The following PRKCG variants were observed in gnomAD, a reference collection of about 807,000 sequenced individuals.
PRKCG encodes the protein protein kinase C gamma.
A neutral mutation model predicts 82.0 loss-of-function variants in PRKCG; 28 were observed. The observed-to-expected ratio is 0.34, with a 90% CI of 0.25 to 0.47. PRKCG has a LOEUF of 0.47. Among genes scored for constraint, PRKCG ranks in the 20% least tolerant of loss-of-function variants. The pLI, the probability that PRKCG is intolerant of heterozygous loss-of-function variation, is 1.00. For missense variants in PRKCG, 640 were observed against 952.7 expected (o/e 0.67, Z 4.32); for synonymous variants, 383 against 376.6 (o/e 1.02, Z -0.20).
At chr19:53,898,258 G>A in intron 10 of PRKCG, 147 bp downstream of exon 10, 1 of 1,404,624 alleles carries the variant, frequency 7.1e-7, no homozygotes, top group Non-Finnish European at 9.9e-7. Context: ...TTCCTGGAGA[G>A]GAGAGGTTTA....
chr19:53,888,612 A>C (rs1356539980), intron 3 of PRKCG, among the ~76,000 whole-genome samples: 2 of 152,222 alleles, frequency 1.3e-5, no homozygotes, highest in Admixed American at 6.5e-5. Flanking sequence ...ATCCCTAACA[A>C]TAACCACAGT....
At position 53,900,279 on chromosome 19, in the gene PRKCG, T is replaced by C; in HGVS notation, c.1328T>C (p.Met443Thr). ...VMEYVTGGDL[M>T]YHIQQLGKFK... ...GAGTACGTCACCGGGGGAGACTTGA[T>C]GTACCACATTCAACAGCTGGGCAAG... Residue 443 changes from methionine (M) to threonine (T), a missense_variant, in exon 12 of 18, where the codon ATG (methionine) becomes ACG (threonine). Around this residue, in one of 7 missense-constraint regions of PRKCG, gnomAD observed 78 missense variants for 105.6 expected, o/e 0.74. Coordinates refer to ENST00000263431, the MANE Select transcript of PRKCG (RefSeq NM_002739.5). This position sits in a 1 kb window ranked among gnomAD's most constrained non-coding sequence, Gnocchi z 4.2. The C allele has an allele frequency of 6.2e-7, 1 of 1,614,114 alleles. No individual in the cohort carries two copies. Among genetic ancestry groups the C allele is most frequent in the Non-Finnish European group, 8.5e-7 (1 of 1,180,028 alleles).
chr19:53,906,852 A>T lies in PRKCG; in HGVS notation c.2051A>T (p.Asp684Val). Residue 684 changes from aspartate to valine, a missense_variant, in exon 18 of 18, where the codon GAT becomes GTT. This residue lies in a region of PRKCG where 198 missense variants were observed against 273.4 expected (regional missense o/e 0.72). Coordinates refer to ENST00000263431, the MANE Select transcript of PRKCG (RefSeq NM_002739.5). Reference protein sequence around the residue: ...TYVNPDFVHPDARSPTSPVPV... With the variant: ...TYVNPDFVHPVARSPTSPVPV... ...GTGAACCCCGACTTCGTGCACCCGG[A>T]TGCCCGCAGCCCCACCAGCCCAGTG... 6.2e-7 allele frequency: 1 copy of T among 1,613,540 alleles called. No individual in the cohort carries two copies. Among genetic ancestry groups the T allele is most frequent in the Non-Finnish European group, 8.5e-7 (1 of 1,179,958 alleles).
Position 53,889,217 on chromosome 19 carries a change from G to A in PRKCG, c.286-421G>A, listed in dbSNP as rs2068653332. On this transcript the variant is annotated intron_variant, in intron 3 of 17. Coordinates refer to ENST00000263431, the MANE Select transcript of PRKCG (RefSeq NM_002739.5). This position sits in a 1 kb window ranked among gnomAD's most constrained non-coding sequence, Gnocchi z 4.4. Reference sequence around the variant, plus strand: ...AATCCGCCCACCTCGGCCTCCCAAAGTGCTGGGATTACAGGCATGAGCCAC... The same window carrying A: ...AATCCGCCCACCTCGGCCTCCCAAAATGCTGGGATTACAGGCATGAGCCAC... 6.6e-6 allele frequency among the ~76,000 whole-genome samples: 1 copy of A among 152,098 alleles called. No homozygotes were observed. The highest frequency in any genetic ancestry group is 2.1e-4 in the South Asian group (1 of 4,822).
At position 53,900,344 on chromosome 19, in the gene PRKCG, G is replaced by A; in HGVS notation, c.1373+20G>A. The A allele has an allele frequency of 6.2e-7, 1 of 1,614,088 alleles. No individual in the cohort carries two copies. The highest frequency in any genetic ancestry group is 1.3e-5 in the African/African-American group (1 of 75,030). Reference sequence around the variant, plus strand: ...TGCAGCGTGAGTCTCGGCCAACAGAGAATGGTCGGGGTGGTGGAAGGGGGC... The same window carrying A: ...TGCAGCGTGAGTCTCGGCCAACAGAAAATGGTCGGGGTGGTGGAAGGGGGC... On this transcript the variant is annotated intron_variant, in intron 12 of 17. Coordinates refer to ENST00000263431, the MANE Select transcript of PRKCG (RefSeq NM_002739.5). This position sits in a 1 kb window ranked among gnomAD's most constrained non-coding sequence, Gnocchi z 4.2.
chr19:53,893,663 G>A (rs1167474058), intron 9 of PRKCG, among the ~76,000 whole-genome samples: 1 of 151,976 alleles, frequency 6.6e-6, no homozygotes, highest in Non-Finnish European at 1.5e-5. Flanking sequence ...GCCTAACGGA[G>A]GCACTAATCC....
In PRKCG at chr19:53,906,759, C is replaced by T. The variant is rs760587847; in HGVS notation, c.1958C>T (p.Ala653Val). The T allele has an allele frequency of 1.9e-6, 3 of 1,613,368 alleles. No homozygotes were observed. Among genetic ancestry groups the T allele is most frequent in the East Asian group, 2.2e-5 (1 of 44,868 alleles). Residue 653 changes from alanine (A) to valine (V), a missense_variant, in exon 18 of 18, where the codon GCG becomes GTG. By Grantham distance (64) the Ala-to-Val change is moderately conservative (BLOSUM62 0). This residue lies in a region of PRKCG where 198 missense variants were observed against 273.4 expected (regional missense o/e 0.72). Coordinates refer to ENST00000263431, the MANE Select transcript of PRKCG (RefSeq NM_002739.5). ...FDKFFTRAAPALTPPDRLVLA... is the reference protein window; with the variant it reads ...FDKFFTRAAPVLTPPDRLVLA... ...AAGTTCTTCACGCGGGCGGCGCCAG[C>T]GCTGACCCCTCCAGACCGCCTAGTC...
intron 14 of PRKCG, among the ~76,000 whole-genome samples, chr19:53,902,829 G>T (rs2068773392): frequency 6.8e-6 from 1 of 147,590 alleles, no homozygotes; most frequent in African/African-American, 2.6e-5. Context: ...GGGAAGTTGA[G>T]GCTGAGTGAG....
Position 53,883,083 on chromosome 19 carries a change from C to T in PRKCG, c.171-80C>T, listed in dbSNP as rs2068604933. ...GCCCTGCGGGAGGAGGGTCAGAGAGCGCAGGCCCCCTGTGGCTCGCAGAGG... is the reference window on the plus strand; with the variant it reads ...GCCCTGCGGGAGGAGGGTCAGAGAGTGCAGGCCCCCTGTGGCTCGCAGAGG... On this transcript the variant is annotated intron_variant, in intron 1 of 17. Transcript: ENST00000263431. This position sits in a 1 kb window ranked among gnomAD's most constrained non-coding sequence, Gnocchi z 5.4. 3.2e-6 allele frequency: 5 copies of T among 1,560,066 alleles called. No homozygotes were observed. The highest frequency in any genetic ancestry group is 1.1e-5 in the South Asian group (1 of 90,038).
chr19:53,894,088 C>T (rs985133735), intron 9 of PRKCG, among the ~76,000 whole-genome samples: 8 of 141,752 alleles, frequency 5.6e-5, no homozygotes, highest in Non-Finnish European at 9.2e-5. Flanking sequence ...TTTTTTGAGA[C>T]GGAGTCTCGC....
At position 53,892,509 on chromosome 19, in the gene PRKCG, C is replaced by T; in HGVS notation, c.687C>T (p.Phe229=). 6.2e-7 allele frequency: 1 copy of T among 1,611,322 alleles called. No individual in the cohort carries two copies. The highest frequency in any genetic ancestry group is 1.1e-5 in the South Asian group (1 of 90,844). The change falls in exon 7 of 18, where the codon TTC becomes TTT. Residue 229 remains phenylalanine, a splice_region_variant and synonymous_variant. Coordinates refer to ENST00000263431, the MANE Select transcript of PRKCG (RefSeq NM_002739.5). This position sits in a 1 kb window ranked among gnomAD's most constrained non-coding sequence, Gnocchi z 5.9. ...CCCCATCCACCCCACCTTCCTGCAG[C>T]AACCTGAAGCCAGGGGATGTGGAGC... is the stretch of plus-strand genomic sequence containing the variant. ...LNPVWNETFV[F]NLKPGDVERR... is the part of the protein sequence containing the mutation.
chr19:53,899,266 G>A (rs1464575713), intron 11 of PRKCG, among the ~76,000 whole-genome samples: 2 of 152,174 alleles, frequency 1.3e-5, no homozygotes, highest in African/African-American at 2.4e-5. Context: ...CTTGGGGGGA[G>A]TGGCCAGATG....
chr19:53,892,892 G>A lies in PRKCG; in HGVS notation c.822-96G>A, dbSNP rs998393003. 23 of 1,212,656 alleles carry A rather than the reference G, an allele frequency of 1.9e-5. No homozygotes were observed. Among genetic ancestry groups the A allele is most frequent in the East Asian group, 9.6e-5 (4 of 41,678 alleles). 75.1% of individuals were successfully genotyped at this position (1,212,656 alleles called of 1,614,324 possible). A position where few individuals can be genotyped will look rare whatever the true frequency, so the allele number is the denominator to read the frequency against. Reference sequence around the variant, plus strand: ...CTTTCTCTCTTCCATCTCTGTGTCCGTCTCTCTGTGTCTCTTTCCTCCCTT... The same window carrying A: ...CTTTCTCTCTTCCATCTCTGTGTCCATCTCTCTGTGTCTCTTTCCTCCCTT... On this transcript the variant is annotated intron_variant, in intron 7 of 17. Transcript: ENST00000263431. The surrounding 1 kb of genome is among the most constrained non-coding windows in gnomAD (Gnocchi z 5.9).
In PRKCG at chr19:53,882,743, G is replaced by A. The variant is rs2068602455; in HGVS notation, c.170+79G>A. ...CCTATCACGCCGACCCCTGTGGAAG[G>A]AAGAAGGAGGGGGCTGTAGTCCCGA... On this transcript the variant is annotated intron_variant, in intron 1 of 17. Transcript: ENST00000263431. The surrounding 1 kb of genome is among the most constrained non-coding windows in gnomAD (Gnocchi z 6.1). 3.2e-6 allele frequency: 5 copies of A among 1,556,210 alleles called. No homozygotes were observed. The highest frequency in any genetic ancestry group is 3.7e-5 in the Admixed American group (2 of 54,088).
chr19:53,897,716 T>G (rs1267366345), intron 9 of PRKCG, among the ~76,000 whole-genome samples: 1 of 149,850 alleles, frequency 6.7e-6, no homozygotes, highest in Non-Finnish European at 1.5e-5. Context: ...CAGCATATGA[T>G]AAGCTATCTA....
In PRKCG at chr19:53,882,355, T is replaced by G. The variant is rs767113684; in HGVS notation, c.-140T>G. 7.9e-7 allele frequency: 1 copy of G among 1,272,976 alleles called. No individual in the cohort carries two copies. 78.9% of individuals were successfully genotyped at this position (1,272,976 alleles called of 1,614,324 possible). A position where few individuals can be genotyped will look rare whatever the true frequency, so the allele number is the denominator to read the frequency against. The stretch of plus-strand genomic sequence containing the variant: ...CTCCCTGCCTGGCGCGCTCCGCACC[T>G]GGAGGTGCCTTGCCCCTCTCCTGCC... On this transcript the variant is annotated 5_prime_UTR_variant, in exon 1 of 18. Transcript: ENST00000263431. This position sits in a 1 kb window ranked among gnomAD's most constrained non-coding sequence, Gnocchi z 6.1.
At chr19:53,890,415 C>CAT (rs1194850151) in intron 5 of PRKCG, among the ~76,000 whole-genome samples, 20 of 140,354 alleles carry the variant, frequency 1.4e-4, no homozygotes, top group Middle Eastern at 9.9e-3. Flanking sequence ...TGTCACCAAG[C>CAT]CCGGCTAATT....
chr19:53,906,910 A>T lies in PRKCG; in HGVS notation c.*15A>T, dbSNP rs910407040. On this transcript the variant is annotated 3_prime_UTR_variant, in exon 18 of 18. Transcript: ENST00000263431. ...CCGTCATGTAATCTCACCCGCCGCCACTAGGTGTCCCCAACGTCCCCTCCG... is the reference window on the plus strand; with the variant it reads ...CCGTCATGTAATCTCACCCGCCGCCTCTAGGTGTCCCCAACGTCCCCTCCG... The T allele has an allele frequency of 2.2e-5, 35 of 1,612,836 alleles. No individual in the cohort carries two copies. Among genetic ancestry groups the T allele is most frequent in the Non-Finnish European group, 3.0e-5 (35 of 1,179,802 alleles).
Position 53,906,604 on chromosome 19 carries a change from A to T in PRKCG, c.1906-103A>T, listed in dbSNP as rs898593666. 5 of 1,552,120 alleles carry T rather than the reference A, an allele frequency of 3.2e-6. No individual in the cohort carries two copies. The African/African-American group carries it at 5.4e-5, about 17-fold the overall frequency. The stretch of plus-strand genomic sequence containing the variant: ...GAGGTGCAGACACCATGAAGCATGA[A>T]TAGAGATTCTGCAGGAGACAGGAGA... On this transcript the variant is annotated intron_variant, in intron 17 of 17. Coordinates refer to ENST00000263431, the MANE Select transcript of PRKCG (RefSeq NM_002739.5).
Sources: allele counts gnomAD v4.1 joint callset (sites outside exome capture counted in the v4.1 genomes callset), GRCh38; gene constraint gnomAD v4.1.1; regional missense constraint gnomAD v4.1.1; non-coding constraint Gnocchi (gnomAD v3.1); transcripts MANE v1.5; gene names NCBI Gene and HGNC (gene_info 2026-07-23, HGNC 2026-07-21).